The following ZNF438 variants were observed in gnomAD, a reference collection of about 807,000 sequenced individuals.
The protein encoded by ZNF438 is zinc finger protein 438.
A neutral mutation model predicts 38.0 loss-of-function variants in ZNF438; 25 were observed. The ratio of observed to expected loss-of-function variants is 0.66; its 90% CI spans 0.48 to 0.92. The LOEUF is 0.92. ZNF438 is among the 40% of genes least tolerant of loss of function. The pLI, the probability that ZNF438 is intolerant of heterozygous loss-of-function variation, is 0.00. For synonymous variants in ZNF438, 372 were observed against 364.1 expected (o/e 1.02, Z -0.25); for missense variants, 1,007 against 999.6 (o/e 1.01, Z -0.10).
At position 30,849,497 on chromosome 10, in the gene ZNF438, ATT is replaced by A; in HGVS notation, c.906_907del (p.Met303GlyfsTer10). On this transcript the variant is annotated frameshift_variant, in exon 5 of 6. Coordinates refer to ENST00000413025, the Ensembl canonical transcript of ZNF438. LOFTEE classifies it high-confidence loss of function. ...ATCTGATTTGATTTTGTAAACCTCC[ATT>A]GTCTTCATTCTTGAGTAGGGTGGGA... The A allele has an allele frequency of 6.2e-7, 1 of 1,614,162 alleles. No homozygotes were observed. Among genetic ancestry groups the A allele is most frequent in the South Asian group, 1.1e-5 (1 of 91,082 alleles).
At chr10:31,014,409 C>T (rs12243363) in intron 1 of ZNF438, among the ~76,000 whole-genome samples, 6 of 152,168 alleles carry the variant, frequency 3.9e-5, no homozygotes, top group South Asian at 2.1e-4. Flanking sequence ...CATATGGCAG[C>T]GGAAGAGCAA....
intron 4 of ZNF438, among the ~76,000 whole-genome samples, chr10:30,858,309 T>C (rs1416150269): frequency 1.3e-5 from 2 of 152,264 alleles, no homozygotes; most frequent in Non-Finnish European, 2.9e-5. Context: ...AAATAATAAA[T>C]TCCACTTGGG....
intron 1 of ZNF438, among the ~76,000 whole-genome samples, chr10:30,983,191 C>A (rs956560468): frequency 1.3e-5 from 2 of 152,194 alleles, no homozygotes; most frequent in Non-Finnish European, 2.9e-5. Flanking sequence ...AAAGAGAAAG[C>A]CTGTAACCAA....
At chr10:30,897,003 G>A (rs2041432900) in intron 3 of ZNF438, among the ~76,000 whole-genome samples, 1 of 152,124 alleles carries the variant, frequency 6.6e-6, no homozygotes, top group Non-Finnish European at 1.5e-5. Flanking sequence ...AGCCAGGCAT[G>A]TGCTCAACTG....
At chr10:30,849,703 T>C (rs757627621) in exon 5 of ZNF438, 8 of 1,614,112 alleles carry the variant, frequency 5.0e-6, no homozygotes, top group Non-Finnish European at 6.8e-6. Context: ...CTGAAAGAGC[T>C]GTGAGGTCCT....
chr10:30,882,866 C>T (rs1386269756), intron 3 of ZNF438, among the ~76,000 whole-genome samples: 1 of 151,982 alleles, frequency 6.6e-6, no homozygotes, highest in African/African-American at 2.4e-5. Context: ...CCAATCGTAT[C>T]CTAATATAGC....
At chr10:30,958,765 A>C (rs1346801610) in intron 1 of ZNF438, among the ~76,000 whole-genome samples, 1 of 146,918 alleles carries the variant, frequency 6.8e-6, no homozygotes, top group African/African-American at 2.4e-5. Flanking sequence ...TTGCTAACTC[A>C]ATCAGTTTCC....
At chr10:30,886,616 A>G (rs914059658) in intron 3 of ZNF438, among the ~76,000 whole-genome samples, 3 of 152,236 alleles carry the variant, frequency 2.0e-5, no homozygotes, top group African/African-American at 7.2e-5. Flanking sequence ...AGCCTGTTTT[A>G]TAATAAAGTG....
intron 2 of ZNF438, among the ~76,000 whole-genome samples, chr10:30,930,937 T>C (rs1332387568): frequency 6.6e-6 from 1 of 150,654 alleles, no homozygotes; most frequent in African/African-American, 2.4e-5. Context: ...TAAGCACACA[T>C]TCCCATTTTT....
intron 1 of ZNF438, among the ~76,000 whole-genome samples, chr10:31,018,317 T>C (rs2056351186): frequency 6.6e-6 from 1 of 152,224 alleles, no homozygotes; most frequent in Non-Finnish European, 1.5e-5. Context: ...CAACTCTAAT[T>C]GCAAACTGGC....
At chr10:30,930,979 CT>C (rs751822194) in intron 2 of ZNF438, among the ~76,000 whole-genome samples, 13 of 152,262 alleles carry the variant, frequency 8.5e-5, no homozygotes, top group Non-Finnish European at 1.6e-4. Flanking sequence ...GCCTCTCCTA[CT>C]CTGTGAGACC....
At chr10:30,875,168 G>A (rs182225301) in intron 4 of ZNF438, among the ~76,000 whole-genome samples, 5 of 152,122 alleles carry the variant, frequency 3.3e-5, no homozygotes, top group East Asian at 3.9e-4. Flanking sequence ...CTTACTTTCC[G>A]GTCAATGGAA....
At chr10:30,902,020 G>C (rs907799390) in intron 3 of ZNF438, among the ~76,000 whole-genome samples, 1 of 121,168 alleles carries the variant, frequency 8.3e-6, no homozygotes, top group African/African-American at 2.7e-5. Flanking sequence ...GCAGACCTTC[G>C]CAGTGAGTGT....
intron 2 of ZNF438, chr10:30,919,572 A>T (rs934825538): frequency 1.3e-5 from 2 of 151,946 alleles, no homozygotes; most frequent in African/African-American, 2.4e-5. Context: ...TTTGCGTGTG[A>T]TTTTGGTCAC....
At chr10:30,913,165 G>A (rs1336157336) in intron 2 of ZNF438, among the ~76,000 whole-genome samples, 2 of 151,960 alleles carry the variant, frequency 1.3e-5, no homozygotes, top group African/African-American at 4.8e-5. Flanking sequence ...TTGCAAATCT[G>A]GACAAGTCAA....
intron 1 of ZNF438, among the ~76,000 whole-genome samples, chr10:31,004,788 T>C (rs2054969574): frequency 6.6e-6 from 1 of 150,962 alleles, no homozygotes; most frequent in Non-Finnish European, 1.5e-5. Context: ...AGAAAGGAAG[T>C]GATAAGTAGA....
intron 3 of ZNF438, among the ~76,000 whole-genome samples, chr10:30,893,273 A>G (rs73249038): frequency 0.012 from 1,826 of 152,370 alleles, 44 homozygotes; most frequent in African/African-American, 0.042. Context: ...ACTGAAATAT[A>G]TAAACAATGA....
At chr10:30,977,960 T>TG (rs894333874) in intron 1 of ZNF438, among the ~76,000 whole-genome samples, 8 of 149,150 alleles carry the variant, frequency 5.4e-5, no homozygotes, top group Non-Finnish European at 1.2e-4. Flanking sequence ...CCAGGCTGGG[T>TG]GACAGAGCAA....
At chr10:30,866,545 T>G (rs912097578) in intron 4 of ZNF438, among the ~76,000 whole-genome samples, 1 of 152,050 alleles carries the variant, frequency 6.6e-6, no homozygotes, top group African/African-American at 2.4e-5. Context: ...GTAAAACTGG[T>G]GCTTATGGGT....
Sources: allele counts gnomAD v4.1 joint callset (sites outside exome capture counted in the v4.1 genomes callset), GRCh38; gene constraint gnomAD v4.1.1; transcripts MANE v1.5; gene names NCBI Gene and HGNC (gene_info 2026-07-23, HGNC 2026-07-21).